The following ZMAT4 variants were observed in gnomAD, a reference collection of about 807,000 sequenced individuals.
ZMAT4 encodes the protein zinc finger matrin-type protein 4.
A neutral mutation model predicts 28.7 loss-of-function variants in ZMAT4; 17 were observed. That is an observed-to-expected ratio of 0.59 (90% CI 0.41 to 0.89). The LOEUF (loss-of-function observed/expected upper bound fraction) is 0.89. ZMAT4 is among the 40% of genes least tolerant of loss of function. ZMAT4 has a pLI of 0.00. For missense variants in ZMAT4, 240 were observed against 283.8 expected (o/e 0.85, Z 1.11); for synonymous variants, 117 against 109.2 (o/e 1.07, Z -0.44).
At chr8:40,738,554 T>G (rs56847872) in intron 3 of ZMAT4, among the ~76,000 whole-genome samples, 18,849 of 152,196 alleles carry the variant, frequency 0.12, 1,662 homozygotes, top group East Asian at 0.38. Flanking sequence ...AGTAAAAGCA[T>G]GCAAGCAGCA....
intron 5 of ZMAT4, among the ~76,000 whole-genome samples, chr8:40,643,994 G>A (rs1450295380): frequency 6.6e-6 from 1 of 152,052 alleles, no homozygotes; most frequent in African/African-American, 2.4e-5. Flanking sequence ...TTCTCCTGAG[G>A]ACAATACTGA....
chr8:40,709,086 C>T (rs1028929220), intron 3 of ZMAT4, among the ~76,000 whole-genome samples: 6 of 152,162 alleles, frequency 3.9e-5, no homozygotes, highest in African/African-American at 1.4e-4. Flanking sequence ...ATGCTCAAGT[C>T]CTTGAAAGAA....
At chr8:40,815,669 C>T (rs1326238173) in intron 2 of ZMAT4, among the ~76,000 whole-genome samples, 2 of 152,098 alleles carry the variant, frequency 1.3e-5, no homozygotes, top group Non-Finnish European at 2.9e-5. Context: ...ACAGCTGGCC[C>T]CAAAAGGTAG....
At chr8:40,645,787 C>A (rs1807277019) in intron 5 of ZMAT4, among the ~76,000 whole-genome samples, 1 of 151,876 alleles carries the variant, frequency 6.6e-6, no homozygotes, top group Admixed American at 6.6e-5. Flanking sequence ...GCATTAAAAC[C>A]AAAATTATCT....
At chr8:40,626,112 G>GA (rs34224019) in intron 5 of ZMAT4, among the ~76,000 whole-genome samples, 14 of 128,344 alleles carry the variant, frequency 1.1e-4, no homozygotes, top group African/African-American at 4.2e-4. Flanking sequence ...CTCTGCCTCA[G>GA]AAAAAAAAAA....
chr8:40,618,589 A>C (rs913800650), intron 5 of ZMAT4, among the ~76,000 whole-genome samples: 3 of 151,634 alleles, frequency 2.0e-5, no homozygotes, highest in African/African-American at 7.3e-5. Context: ...CTACCAATTC[A>C]TTTGTTTAAT....
rs77646979 is a variant in ZMAT4 at position 40,708,972 on chromosome 8, A to C, written c.193-11571T>G. Among the ~76,000 whole-genome samples the C allele has an allele frequency of 6.9e-4, 105 of 152,200 alleles. 1 individual carries two copies. In the East Asian group the frequency reaches 0.018, roughly 26 times the overall value. On this transcript the variant is annotated intron_variant, in intron 3 of 6. Coordinates refer to ENST00000297737, the MANE Select transcript of ZMAT4 (RefSeq NM_024645.3). ...CCAAAACAAAACAAACTATAAATTG[A>C]GAAAACTCTCCTACAATTAAAATTA...
chr8:40,776,389 T>C (rs929908565), intron 2 of ZMAT4, among the ~76,000 whole-genome samples: 2 of 152,220 alleles, frequency 1.3e-5, no homozygotes, highest in African/African-American at 4.8e-5. Context: ...ATGTTTGTAA[T>C]TATCTACGTG....
At chr8:40,750,708 G>T (rs533313057) in intron 3 of ZMAT4, among the ~76,000 whole-genome samples, 1 of 152,276 alleles carries the variant, frequency 6.6e-6, no homozygotes, top group South Asian at 2.1e-4. Context: ...AAAAGAAACA[G>T]AGCAGAAAGG....
chr8:40,850,226 A>T (rs1246941892), intron 1 of ZMAT4, among the ~76,000 whole-genome samples: 2 of 152,034 alleles, frequency 1.3e-5, no homozygotes, highest in African/African-American at 4.8e-5. Context: ...AATGCTACCT[A>T]GGCAATGAAA....
rs1317895421 is a variant in ZMAT4 at position 40,567,393 on chromosome 8, C to T, written c.674+13772G>A. Reference sequence around the variant, plus strand: ...AGGTATAGATTCTGGTTACATCTGGCTATTCTTAACACAATATAGAATGGT... The same window carrying T: ...AGGTATAGATTCTGGTTACATCTGGTTATTCTTAACACAATATAGAATGGT... On this transcript the variant is annotated intron_variant, in intron 6 of 6. Coordinates refer to ENST00000297737, the MANE Select transcript of ZMAT4 (RefSeq NM_024645.3). Among the ~76,000 whole-genome samples the T allele has an allele frequency of 2.0e-5, 3 of 152,002 alleles. No homozygotes were observed. In the East Asian group the frequency reaches 5.8e-4, roughly 29 times the overall value.
chr8:40,866,656 A>T (rs1817685499), intron 1 of ZMAT4, among the ~76,000 whole-genome samples: 1 of 152,176 alleles, frequency 6.6e-6, no homozygotes. Context: ...AATTAAGAGG[A>T]GGGCAACACC....
intron 3 of ZMAT4, among the ~76,000 whole-genome samples, chr8:40,743,049 T>TA (rs911063294): frequency 8.1e-4 from 117 of 144,910 alleles, no homozygotes; most frequent in Non-Finnish European, 9.0e-4. Flanking sequence ...CCATCTCTAC[T>TA]AAAAAAAAAA....
intron 1 of ZMAT4, among the ~76,000 whole-genome samples, chr8:40,846,438 G>A (rs1292319055): frequency 6.6e-6 from 1 of 152,252 alleles, no homozygotes; most frequent in Non-Finnish European, 1.5e-5. Flanking sequence ...TCCTGGGCAA[G>A]GCTGAAGCTG....
In ZMAT4 at chr8:40,891,638, G is replaced by GTC. The variant is rs540437969; in HGVS notation, c.-5+6043_-5+6044dup. 4.1e-3 allele frequency among the ~76,000 whole-genome samples: 621 copies of GTC among 152,228 alleles called. 4 individuals are homozygous for GTC. The highest frequency in any genetic ancestry group is 5.4e-3 in the Non-Finnish European group (366 of 68,010). On this transcript the variant is annotated intron_variant, in intron 1 of 6. Coordinates refer to ENST00000297737, the MANE Select transcript of ZMAT4 (RefSeq NM_024645.3). ...TGCCCTGCTGCCTGAGGGGCTGATG[G>GTC]TCTCGCTGGGCCAGTTCCTGCAGGA...
intron 3 of ZMAT4, among the ~76,000 whole-genome samples, chr8:40,730,340 A>T (rs1411489034): frequency 6.6e-6 from 1 of 152,272 alleles, no homozygotes; most frequent in Admixed American, 6.5e-5. Context: ...TGATAAAAAT[A>T]CATAACAGGA....
At chr8:40,838,976 A>G (rs1816600704) in intron 1 of ZMAT4, among the ~76,000 whole-genome samples, 1 of 152,214 alleles carries the variant, frequency 6.6e-6, no homozygotes, top group Non-Finnish European at 1.5e-5. Context: ...CCCAAATAAT[A>G]TGGAAAAGAC....
intron 5 of ZMAT4, among the ~76,000 whole-genome samples, chr8:40,672,635 A>C (rs1223004402): frequency 6.6e-6 from 1 of 152,200 alleles, no homozygotes; most frequent in East Asian, 1.9e-4. Flanking sequence ...CTGATAATTC[A>C]AAATAGACAG....
chr8:40,581,294 T>A lies in ZMAT4; in HGVS notation c.578-33A>T, dbSNP rs891099524. 2.5e-6 allele frequency: 4 copies of A among 1,584,808 alleles called. No individual in the cohort carries two copies. The African/African-American group carries it at 4.0e-5, about 16-fold the overall frequency. On this transcript the variant is annotated intron_variant, in intron 5 of 6. Coordinates refer to ENST00000297737, the MANE Select transcript of ZMAT4 (RefSeq NM_024645.3). ...CAACAGACAGACCTGGTTAGCTGCATCCAGTCGTCAACCACCTGAAATGAA... is the reference window on the plus strand; with the variant it reads ...CAACAGACAGACCTGGTTAGCTGCAACCAGTCGTCAACCACCTGAAATGAA...
Sources: gnomAD v4.1 joint callset for allele counts (sites outside exome capture counted in the v4.1 genomes callset) on GRCh38, gnomAD v4.1.1 for gene constraint, MANE v1.5 for transcripts, NCBI Gene and HGNC (gene_info 2026-07-23, HGNC 2026-07-21) for gene names.